The following PHLPP1 variants were observed in gnomAD, a reference collection of about 807,000 sequenced individuals.
PHLPP1 encodes the protein PH domain and leucine rich repeat protein phosphatase 1, also known as PH domain leucine-rich repeat-containing protein phosphatase 1.
A neutral mutation model predicts 117.2 loss-of-function variants in PHLPP1; 42 were observed. The ratio of observed to expected loss-of-function variants is 0.36; its 90% CI spans 0.28 to 0.46. The LOEUF (loss-of-function observed/expected upper bound fraction) is 0.46, where lower values mean the gene tolerates loss of function less well. Ranked by LOEUF, PHLPP1 falls within the 20% of genes least tolerant of loss-of-function variation. The pLI is 1.00. For missense variants in PHLPP1, 2,084 were observed against 2,241.9 expected (o/e 0.93, Z 1.42); for synonymous variants, 1,042 against 970.7 (o/e 1.07, Z -1.37).
rs569406186 is a variant in PHLPP1, at chr18:62,895,671, G to T, written c.2214-110G>T. On this transcript the variant is annotated intron_variant, in intron 5 of 16. Coordinates refer to ENST00000262719, the MANE Select transcript of PHLPP1 (RefSeq NM_194449.4). ...GCCCTGCCCTTAGGCATTTTGCGAA[G>T]AATAATACATTTTCTGGTAATACGG... The T allele has an allele frequency of 6.9e-6, 5 of 728,180 alleles. No homozygotes were observed. In the African/African-American group the frequency reaches 7.0e-5, roughly 10 times the overall value. The allele number at this position is 728,180 out of a possible 1,614,324, so 45.1% of individuals were successfully genotyped here.
intron 12 of PHLPP1, 114 bp downstream of exon 12, chr18:62,945,385 C>T (rs931205715): frequency 7.5e-6 from 6 of 795,206 alleles, no homozygotes; most frequent in Non-Finnish European, 1.1e-5. Flanking sequence ...GAATGAAGGC[C>T]CCCATTAGCC....
intron 1 of PHLPP1, among the ~76,000 whole-genome samples, chr18:62,776,538 T>G (rs1912961361): frequency 6.6e-6 from 1 of 152,168 alleles, no homozygotes; most frequent in Non-Finnish European, 1.5e-5. Flanking sequence ...TCTGCTCACT[T>G]GTACTCAGTA....
At chr18:62,876,247 A>G (rs1393961854) in intron 4 of PHLPP1, among the ~76,000 whole-genome samples, 3 of 152,178 alleles carry the variant, frequency 2.0e-5, no homozygotes, top group Admixed American at 6.6e-5. Flanking sequence ...GGTTTATTTT[A>G]CCATTCTCTA....
At position 62,715,762 on chromosome 18, in the gene PHLPP1, GCCGCT is replaced by G; in HGVS notation, c.80_84del (p.Ala27GlyfsTer234). On this transcript the variant is annotated frameshift_variant, in exon 1 of 17. Transcript: ENST00000262719. LOFTEE classifies it high-confidence loss of function. ...GGACCGAGCTTCGGCTCCGGCGGCC[GCCGCT>G]GCGGCAGCAGCAGCAGCAGCGGCGG... 1.7e-5 allele frequency: 16 copies of G among 956,846 alleles called. No homozygotes were observed. The highest frequency in any genetic ancestry group is 9.6e-5 in the South Asian group (2 of 20,792). 59.3% of individuals were successfully genotyped at this position (956,846 alleles called of 1,614,324 possible). A position where few individuals can be genotyped will look rare whatever the true frequency, so the allele number is the denominator to read the frequency against.
intron 1 of PHLPP1, among the ~76,000 whole-genome samples, chr18:62,820,210 G>A (rs1276257736): frequency 1.3e-5 from 2 of 152,142 alleles, no homozygotes; most frequent in Non-Finnish European, 2.9e-5. Context: ...AAAGCTGGTA[G>A]AACTGCAAGC....
intron 1 of PHLPP1, among the ~76,000 whole-genome samples, chr18:62,740,425 A>G (rs1911490589): frequency 6.6e-6 from 1 of 152,206 alleles, no homozygotes; most frequent in African/African-American, 2.4e-5. Flanking sequence ...CATGGATTAA[A>G]TCTGTTTATA....
intron 5 of PHLPP1, 97 bp from the exon 6 acceptor site, chr18:62,895,684 T>C: frequency 1.3e-6 from 1 of 783,620 alleles, no homozygotes; most frequent in East Asian, 2.5e-5. Flanking sequence ...TAATACATTT[T>C]CTGGTAATAC....
intron 1 of PHLPP1, among the ~76,000 whole-genome samples, chr18:62,721,429 G>GGTGTGTGTGT (rs71340107): frequency 6.9e-6 from 1 of 144,398 alleles, no homozygotes; most frequent in African/African-American, 2.5e-5. Flanking sequence ...GAGGGGTGTG[G>GGTGTGTGTGT]GTGTGTGTGT....
chr18:62,922,561 T>C (rs1909507882), intron 10 of PHLPP1, among the ~76,000 whole-genome samples: 1 of 152,238 alleles, frequency 6.6e-6, no homozygotes, highest in African/African-American at 2.4e-5. Flanking sequence ...TTATAAGTTA[T>C]ATCATAATGA....
chr18:62,817,344 TAAAAG>T (rs930538781), intron 1 of PHLPP1, among the ~76,000 whole-genome samples: 1 of 152,050 alleles, frequency 6.6e-6, no homozygotes, highest in African/African-American at 2.4e-5. Flanking sequence ...TTCATGAAAA[TAAAAG>T]AAAGCATTTG....
At chr18:62,857,676 A>G (rs994526250) in intron 3 of PHLPP1, among the ~76,000 whole-genome samples, 2 of 152,184 alleles carry the variant, frequency 1.3e-5, no homozygotes, top group Non-Finnish European at 2.9e-5. Context: ...TGGATATTAC[A>G]TCCTCTGGGA....
At chr18:62,780,594 T>A (rs767570410) in intron 1 of PHLPP1, among the ~76,000 whole-genome samples, 3 of 152,224 alleles carry the variant, frequency 2.0e-5, no homozygotes, top group Non-Finnish European at 2.9e-5. Flanking sequence ...CTCATCAGAA[T>A]CACCTTAGGA....
At chr18:62,943,782 G>A (rs896263153) in intron 11 of PHLPP1, among the ~76,000 whole-genome samples, 3 of 152,006 alleles carry the variant, frequency 2.0e-5, no homozygotes, top group African/African-American at 2.4e-5. Context: ...AGATTTGGAG[G>A]GGACAAATAA....
chr18:62,808,089 T>A (rs191941111), intron 1 of PHLPP1, among the ~76,000 whole-genome samples: 275 of 152,266 alleles, frequency 1.8e-3, no homozygotes, highest in African/African-American at 6.5e-3. Context: ...TTTTTAAAGA[T>A]AGGGCAGAGG....
chr18:62,827,294 T>G (rs1050831839), intron 1 of PHLPP1, among the ~76,000 whole-genome samples: 1 of 152,234 alleles, frequency 6.6e-6, no homozygotes, highest in African/African-American at 2.4e-5. Context: ...GTAACATTTC[T>G]AAAGTAAAAG....
chr18:62,832,287 A>G (rs1213906467), intron 2 of PHLPP1: 1 of 152,242 alleles, frequency 6.6e-6, no homozygotes, highest in Non-Finnish European at 1.5e-5. Flanking sequence ...GCAGGAAGGT[A>G]CTGTGGGGGA....
At chr18:62,914,568 C>T (rs1387126179) in intron 8 of PHLPP1, among the ~76,000 whole-genome samples, 1 of 152,178 alleles carries the variant, frequency 6.6e-6, no homozygotes, top group Non-Finnish European at 1.5e-5. Context: ...TTTTGAGTAG[C>T]TGGGACTATA....
At chr18:62,808,833 C>T (rs1285815334) in intron 1 of PHLPP1, among the ~76,000 whole-genome samples, 3 of 152,236 alleles carry the variant, frequency 2.0e-5, no homozygotes, top group Non-Finnish European at 2.9e-5. Flanking sequence ...GGATTACAGG[C>T]GTGAGCCACC....
rs527294866 is a variant in PHLPP1, at chr18:62,979,565, A to G, written c.*134A>G. 3 of 937,822 alleles carry G rather than the reference A, an allele frequency of 3.2e-6. No homozygotes were observed. The Admixed American group carries it at 8.8e-5, about 27-fold the overall frequency. 58.1% of individuals were successfully genotyped at this position (937,822 alleles called of 1,614,324 possible). ...CTGTTCCCAACCTGTCATCGCAGCT[A>G]ATCTGTAGGTTCTCTTTCTTTGGGT... On this transcript the variant is annotated 3_prime_UTR_variant, in exon 17 of 17. Coordinates refer to ENST00000262719, the MANE Select transcript of PHLPP1 (RefSeq NM_194449.4).
Sources: allele counts gnomAD v4.1 joint callset (sites outside exome capture counted in the v4.1 genomes callset), GRCh38; gene constraint gnomAD v4.1.1; transcripts MANE v1.5; gene names NCBI Gene and HGNC (gene_info 2026-07-23, HGNC 2026-07-21).